The following SIPA1L3 variants were observed in gnomAD, a reference collection of about 807,000 sequenced individuals.
SIPA1L3 encodes signal-induced proliferation-associated 1-like protein 3.
Under a neutral mutation model 150.1 loss-of-function variants are expected in SIPA1L3, and 59 were observed. The observed-to-expected ratio is 0.39, with a 90% CI of 0.32 to 0.49. The LOEUF (loss-of-function observed/expected upper bound fraction) is 0.49. Among genes scored for constraint, SIPA1L3 ranks in the 20% least tolerant of loss-of-function variants. SIPA1L3 has a pLI of 0.86. For missense variants in SIPA1L3, 2,211 were observed against 2,489.5 expected, an observed-to-expected ratio of 0.89 and a Z score of 2.38; for synonymous variants, 1,070 against 1,077.6, an observed-to-expected ratio of 0.99 and a Z score of 0.14.
chr19:38,105,762 T>G (rs1165982209), intron 6 of SIPA1L3, among the ~76,000 whole-genome samples: 1 of 152,196 alleles, frequency 6.6e-6, no homozygotes, highest in Admixed American at 6.6e-5. Flanking sequence ...TTTTCCTGGC[T>G]GTATATTTTT....
intron 1 of SIPA1L3, among the ~76,000 whole-genome samples, chr19:37,986,727 C>T (rs1165518599): frequency 6.6e-6 from 1 of 152,184 alleles, no homozygotes; most frequent in African/African-American, 2.4e-5. Flanking sequence ...CCTGCCTTCC[C>T]CTTTCCCCTC....
rs1973016565 is a variant in SIPA1L3, at chr19:38,198,488, G to A, written c.4940G>A (p.Gly1647Asp). ...ATGCCCCTGCCTGACACAGCTGCTG[G>A]CCTCGAGTGGTCCAGCCTGGTGAAC... ...GLMPLPDTAA[G>D]LEWSSLVNAA... Residue 1647 changes from glycine to aspartate, a missense_variant, in exon 19 of 22, where the codon GGC becomes GAC. Coordinates refer to ENST00000222345, the MANE Select transcript of SIPA1L3 (RefSeq NM_015073.3). 1.2e-6 allele frequency: 2 copies of A among 1,602,070 alleles called. No homozygotes were observed. The highest frequency in any genetic ancestry group is 1.3e-5 in the African/African-American group (1 of 74,122).
Position 38,193,752 on chromosome 19 carries a change from C to G in SIPA1L3, c.4812C>G (p.Ala1604=). 6.4e-7 allele frequency: 1 copy of G among 1,572,964 alleles called. No homozygotes were observed. Among genetic ancestry groups the G allele is most frequent in the Non-Finnish European group, 8.6e-7 (1 of 1,168,588 alleles). ...CCGTCGGCCCCGGTGCCACCCCTGC[C>G]GCCGGCAGCGGCTTTCCCGAGAAGA... ...HPPVGPGATP[A]AGSGFPEKKS... Residue 1604 remains alanine (A), a synonymous_variant, in exon 18 of 22, where the codon GCC becomes GCG. Transcript: ENST00000222345.
chr19:38,152,791 G>T, intron 12 of SIPA1L3, 49 bp from the exon 13 acceptor site: 2 of 1,557,108 alleles, frequency 1.3e-6, no homozygotes, highest in South Asian at 2.5e-5. Context: ...GGTGGTTTTC[G>T]ACATAGGCTG....
At chr19:38,098,438 G>A (rs993298625) in intron 4 of SIPA1L3, among the ~76,000 whole-genome samples, 3 of 142,388 alleles carry the variant, frequency 2.1e-5, no homozygotes, top group Admixed American at 1.4e-4. Flanking sequence ...TCTGTCACCC[G>A]GGCTGGAGTG....
chr19:37,962,463 CTTTTTTTTT>C (rs71177491), intron 1 of SIPA1L3, among the ~76,000 whole-genome samples: 8 of 73,102 alleles, frequency 1.1e-4, no homozygotes, highest in Non-Finnish European at 1.8e-4. Context: ...TGCAGCCGGC[CTTTTTTTTT>C]TTTTTTTTTT....
At chr19:38,039,661 T>C (rs940867144) in intron 2 of SIPA1L3, among the ~76,000 whole-genome samples, 1 of 125,228 alleles carries the variant, frequency 8.0e-6, no homozygotes, top group African/African-American at 3.2e-5. Context: ...ACCACTCTAC[T>C]CCAGCCTGGG....
At chr19:38,124,868 G>A (rs1174525418) in intron 9 of SIPA1L3, among the ~76,000 whole-genome samples, 5 of 152,248 alleles carry the variant, frequency 3.3e-5, no homozygotes, top group African/African-American at 9.6e-5. Context: ...CAGGTGTGGC[G>A]GCGCGCGCCT....
At chr19:38,075,966 C>T (rs1193306363) in intron 2 of SIPA1L3, among the ~76,000 whole-genome samples, 2 of 151,894 alleles carry the variant, frequency 1.3e-5, no homozygotes, top group Admixed American at 6.6e-5. Flanking sequence ...GGTGAAACCC[C>T]GTCTCTACTG....
intron 16 of SIPA1L3, 87 bp from the exon 17 acceptor site, chr19:38,192,058 G>C (rs1430863844): frequency 7.8e-7 from 1 of 1,277,070 alleles, no homozygotes; most frequent in African/African-American, 1.5e-5. Context: ...TGCGTCCCGT[G>C]GTGGCCGGCC....
At chr19:37,907,769 C>T (rs2046346967) in intron 1 of SIPA1L3, 1 of 152,220 alleles carries the variant, frequency 6.6e-6, no homozygotes, top group African/African-American at 2.4e-5. Flanking sequence ...TTATTGTTAG[C>T]TCTCCGAAAA....
At chr19:38,112,207 A>C (rs991825112) in intron 8 of SIPA1L3, among the ~76,000 whole-genome samples, 1 of 151,020 alleles carries the variant, frequency 6.6e-6, no homozygotes, top group Admixed American at 6.6e-5. Flanking sequence ...ACAGGCACGC[A>C]TAAACACATG....
At chr19:38,090,176 A>G (rs1464694584) in intron 4 of SIPA1L3, among the ~76,000 whole-genome samples, 1 of 152,044 alleles carries the variant, frequency 6.6e-6, no homozygotes, top group African/African-American at 2.4e-5. Context: ...CTAAAAATAC[A>G]AAAATTAGCT....
At position 38,082,836 on chromosome 19, in the gene SIPA1L3, T is replaced by G; in HGVS notation, c.1271T>G (p.Leu424Arg). 6.2e-7 allele frequency: 1 copy of G among 1,613,682 alleles called. No homozygotes were observed. The highest frequency in any genetic ancestry group is 8.5e-7 in the Non-Finnish European group (1 of 1,179,924). Residue 424 changes from leucine (L) to arginine (R), a missense_variant, in exon 3 of 22, where the codon CTG becomes CGG. Transcript: ENST00000222345. Reference protein sequence around the residue: ...DLGDDNSNDLLLSCPHFRNEI... With the variant: ...DLGDDNSNDLRLSCPHFRNEI... ...GGCGATGACAACAGCAACGACCTGC[T>G]GCTCAGCTGCCCGCACTTCCGCAAT...
At chr19:38,138,202 C>T (rs1261914547) in intron 10 of SIPA1L3, among the ~76,000 whole-genome samples, 2 of 152,100 alleles carry the variant, frequency 1.3e-5, no homozygotes, top group Non-Finnish European at 2.9e-5. Context: ...CACTGGCTCC[C>T]AAACCACTCT....
intron 1 of SIPA1L3, among the ~76,000 whole-genome samples, chr19:37,928,587 C>T (rs990794383): frequency 1.3e-5 from 2 of 151,952 alleles, no homozygotes; most frequent in Admixed American, 6.6e-5. Flanking sequence ...TCAAAAAAAA[C>T]AAAAAACCCT....
intron 1 of SIPA1L3, among the ~76,000 whole-genome samples, chr19:37,990,754 A>G (rs569817018): frequency 6.6e-6 from 1 of 152,310 alleles, no homozygotes; most frequent in East Asian, 1.9e-4. Flanking sequence ...CTCAAGGGGC[A>G]TGTGTGTGTT....
At chr19:38,155,363 ACCGCAC>A (rs1241358025) in intron 13 of SIPA1L3, among the ~76,000 whole-genome samples, 1 of 152,194 alleles carries the variant, frequency 6.6e-6, no homozygotes, top group Non-Finnish European at 1.5e-5. Context: ...GGCGCGAGCC[ACCGCAC>A]CCGGCTGGCT....
intron 9 of SIPA1L3, among the ~76,000 whole-genome samples, chr19:38,129,005 C>T (rs766015439): frequency 5.3e-5 from 8 of 152,196 alleles, no homozygotes; most frequent in Non-Finnish European, 1.2e-4. Context: ...GATGACTTCT[C>T]ACAGGAAATG....
Sources: allele counts gnomAD v4.1 joint callset (sites outside exome capture counted in the v4.1 genomes callset), GRCh38; gene constraint gnomAD v4.1.1; transcripts MANE v1.5; gene names NCBI Gene and HGNC (gene_info 2026-07-23, HGNC 2026-07-21).